The following SOX6 variants were observed in gnomAD, a reference collection of about 807,000 sequenced individuals.
SOX6 encodes the protein SRY-box transcription factor 6.
Under a neutral mutation model 97.8 loss-of-function variants are expected in SOX6, and 11 were observed. That is an observed-to-expected ratio of 0.11 (90% confidence interval 0.07 to 0.19). The LOEUF is 0.19. Ranked by LOEUF, SOX6 falls within the 10% of genes least tolerant of loss-of-function variation. The pLI is 1.00. For missense variants in SOX6, 810 were observed against 1,039.5 expected, an observed-to-expected ratio of 0.78 and a Z score of 3.04; for synonymous variants, 360 against 371.4, an observed-to-expected ratio of 0.97 and a Z score of 0.35.
chr11:16,598,254 A>T (rs1848233028), intron 4 of SOX6, among the ~76,000 whole-genome samples: 2 of 152,016 alleles, frequency 1.3e-5, no homozygotes, highest in South Asian at 4.1e-4. Context: ...TATACCATGG[A>T]TATATTGGGA....
At chr11:16,502,455 T>C (rs923311601) in intron 4 of SOX6, among the ~76,000 whole-genome samples, 2 of 106,592 alleles carry the variant, frequency 1.9e-5, no homozygotes. Flanking sequence ...AAAATTTAAG[T>C]ATAATAATAA....
At chr11:16,058,069 C>T (rs921247643) in intron 9 of SOX6, among the ~76,000 whole-genome samples, 1 of 151,890 alleles carries the variant, frequency 6.6e-6, no homozygotes, top group Non-Finnish European at 1.5e-5. Context: ...ATTTTCTCTC[C>T]TCTGTATTCA....
In SOX6 at chr11:16,356,219, C is replaced by CA. The variant is rs34115428; in HGVS notation, c.-131dup. ...TCACAAGAAACCTCTGACTGCCAACCAAAAAAAAAAAAAACCCAACCCCAC... is the reference window on the plus strand; with the variant it reads ...TCACAAGAAACCTCTGACTGCCAACCAAAAAAAAAAAAAAACCCAACCCCAC... On this transcript the variant is annotated 5_prime_UTR_variant, in exon 1 of 16. Transcript: ENST00000683767. Among the ~76,000 whole-genome samples the CA allele has an allele frequency of 0.019, 2,369 of 126,696 alleles. 26 individuals are homozygous for CA. Among genetic ancestry groups the CA allele is most frequent in the African/African-American group, 0.039 (1,345 of 34,680 alleles). The allele number at this position is 126,696 out of a possible 152,430, so 83.1% of individuals were successfully genotyped here. A position where few individuals can be genotyped will look rare whatever the true frequency, so the allele number is the denominator to read the frequency against.
At chr11:16,439,601 G>C (rs1160643421) in intron 1 of SOX6, among the ~76,000 whole-genome samples, 2 of 152,122 alleles carry the variant, frequency 1.3e-5, no homozygotes, top group African/African-American at 2.4e-5. Context: ...CCAAAAAATG[G>C]CTTTAATCCT....
intron 6 of SOX6, among the ~76,000 whole-genome samples, chr11:16,159,995 G>T (rs1400562239): frequency 2.6e-5 from 4 of 152,102 alleles, no homozygotes; most frequent in African/African-American, 9.7e-5. Flanking sequence ...TACCAGAAAT[G>T]CAGGCCTCAA....
chr11:16,670,322 C>T (rs1230185762), intron 3 of SOX6, among the ~76,000 whole-genome samples: 4 of 152,048 alleles, frequency 2.6e-5, no homozygotes, highest in South Asian at 4.2e-4. Context: ...CCCTGCGAGC[C>T]TTCAACCCCC....
intron 4 of SOX6, among the ~76,000 whole-genome samples, chr11:16,603,678 GT>G (rs971347187): frequency 6.6e-6 from 1 of 152,174 alleles, no homozygotes; most frequent in Admixed American, 6.5e-5. Flanking sequence ...CGAGTAGGAT[GT>G]GAAGAATAGG....
At chr11:16,660,462 G>A (rs561402192) in intron 3 of SOX6, among the ~76,000 whole-genome samples, 20 of 152,210 alleles carry the variant, frequency 1.3e-4, no homozygotes, top group Non-Finnish European at 1.0e-4. Flanking sequence ...AGCATGTTTC[G>A]TAAGGTTTCT....
intron 2 of SOX6, among the ~76,000 whole-genome samples, chr11:16,320,793 G>T (rs1420097370): frequency 6.6e-6 from 1 of 152,082 alleles, no homozygotes; most frequent in East Asian, 1.9e-4. Flanking sequence ...CAATTAAGCT[G>T]AATCTTTTCA....
chr11:16,452,183 C>A (rs1014040777), intron 1 of SOX6, among the ~76,000 whole-genome samples: 3 of 151,868 alleles, frequency 2.0e-5, no homozygotes, highest in African/African-American at 7.3e-5. Context: ...TGTCACAGAA[C>A]AAAAAGCTAC....
At chr11:16,100,678 T>C (rs1848921552) in intron 7 of SOX6, among the ~76,000 whole-genome samples, 1 of 151,190 alleles carries the variant, frequency 6.6e-6, no homozygotes, top group Non-Finnish European at 1.5e-5. Flanking sequence ...ACTAAGAACC[T>C]ACAACCCATT....
chr11:16,595,275 A>C (rs78913458), intron 4 of SOX6, among the ~76,000 whole-genome samples: 1,836 of 152,182 alleles, frequency 0.012, 30 homozygotes, highest in African/African-American at 0.041. Flanking sequence ...ATTGTAGACC[A>C]CGGCCATAGC....
chr11:16,407,880 G>C (rs774193210), intron 1 of SOX6, among the ~76,000 whole-genome samples: 1 of 151,876 alleles, frequency 6.6e-6, no homozygotes, highest in Non-Finnish European at 1.5e-5. Context: ...AACTAATACA[G>C]AAAGGAAAAA....
At chr11:16,230,482 GA>G (rs1852814644) in intron 4 of SOX6, among the ~76,000 whole-genome samples, 1 of 151,526 alleles carries the variant, frequency 6.6e-6, no homozygotes, top group South Asian at 2.1e-4. Context: ...AAAATAGAAT[GA>G]AAAATATCTC....
intron 1 of SOX6, among the ~76,000 whole-genome samples, chr11:16,344,284 T>C (rs1033473667): frequency 7.9e-5 from 12 of 151,934 alleles, no homozygotes; most frequent in Non-Finnish European, 1.5e-4. Flanking sequence ...GTTTTGAGTT[T>C]TGTTATAAAA....
chr11:16,691,616 G>A (rs889378924), intron 3 of SOX6, among the ~76,000 whole-genome samples: 1 of 152,132 alleles, frequency 6.6e-6, no homozygotes, highest in African/African-American at 2.4e-5. Context: ...GGGCAACACA[G>A]CAAAACCCCA....
chr11:16,357,528 A>C (rs949527692), upstream of SOX6, among the ~76,000 whole-genome samples: 7 of 152,166 alleles, frequency 4.6e-5, no homozygotes, highest in Admixed American at 4.6e-4. Flanking sequence ...CAGCCAACAC[A>C]GTCATTGTTA....
At chr11:16,458,176 C>A (rs919085990) in intron 1 of SOX6, among the ~76,000 whole-genome samples, 1 of 151,904 alleles carries the variant, frequency 6.6e-6, no homozygotes, top group African/African-American at 2.4e-5. Flanking sequence ...ATCAAAAATT[C>A]TATTCCTGAA....
intron 4 of SOX6, among the ~76,000 whole-genome samples, chr11:16,498,635 CAA>C: frequency 6.6e-6 from 1 of 151,728 alleles, no homozygotes; most frequent in Non-Finnish European, 1.5e-5. Context: ...AAATGGAAAA[CAA>C]AAAAAGGCAG....
Sources: allele counts gnomAD v4.1 joint callset (sites outside exome capture counted in the v4.1 genomes callset), GRCh38; gene constraint gnomAD v4.1.1; transcripts MANE v1.5; gene names NCBI Gene and HGNC (gene_info 2026-07-23, HGNC 2026-07-21).